The following FANCE variants were observed in gnomAD, a reference collection of about 807,000 sequenced individuals.
The protein encoded by FANCE is Fanconi anemia group E protein.
FANCE carries 42 observed loss-of-function variants against 57.8 expected under a neutral mutation model. The ratio of observed to expected loss-of-function variants is 0.73; its 90% CI spans 0.57 to 0.94. The LOEUF (loss-of-function observed/expected upper bound fraction) is 0.94, where lower values mean the gene tolerates loss of function less well. Ranked by LOEUF, FANCE falls within the 40% of genes least tolerant of loss-of-function variation. FANCE has a pLI of 0.00. For missense variants in FANCE, 608 were observed against 661.8 expected (o/e 0.92, Z 0.89); for synonymous variants, 251 against 286.4 (o/e 0.88, Z 1.25).
intron 2 of FANCE, among the ~76,000 whole-genome samples, 160 bp from the exon 3 acceptor site, chr6:35,457,395 GC>G (rs1309878573): frequency 6.6e-6 from 1 of 152,144 alleles, no homozygotes; most frequent in Non-Finnish European, 1.5e-5. Context: ...CTCCCAAAGT[GC>G]TGGTGTGAGC....
At chr6:35,465,545 C>T (rs971820322) in intron 9 of FANCE, among the ~76,000 whole-genome samples, 4 of 152,148 alleles carry the variant, frequency 2.6e-5, no homozygotes, top group Admixed American at 6.5e-5. Context: ...ACCCTTATGT[C>T]GGGGGTGTTA....
chr6:35,463,401 T>G (rs1767670237), intron 9 of FANCE, among the ~76,000 whole-genome samples: 2 of 152,222 alleles, frequency 1.3e-5, no homozygotes. Context: ...AGTTCATTCA[T>G]CCAGCCAACA....
At chr6:35,460,983 A>G (rs1245599633) in intron 8 of FANCE, among the ~76,000 whole-genome samples, 3 of 152,088 alleles carry the variant, frequency 2.0e-5, no homozygotes, top group African/African-American at 4.8e-5. Flanking sequence ...CAGTGGCACA[A>G]TCTTGGCTCA....
intron 9 of FANCE, among the ~76,000 whole-genome samples, chr6:35,463,195 A>C (rs1767660454): frequency 6.6e-6 from 1 of 152,166 alleles, no homozygotes; most frequent in African/African-American, 2.4e-5. Flanking sequence ...GTTACAAGGG[A>C]GGCTGAGGCA....
intron 1 of FANCE, among the ~76,000 whole-genome samples, chr6:35,455,541 C>A (rs908100513): frequency 6.6e-6 from 1 of 152,076 alleles, no homozygotes; most frequent in African/African-American, 2.4e-5. Context: ...GAACTCTTAA[C>A]CTTGAGTGAT....
In FANCE at chr6:35,462,759, G is replaced by T; in HGVS notation, c.1384-30G>T. The T allele has an allele frequency of 1.9e-6, 3 of 1,613,830 alleles. No individual in the cohort carries two copies. In the South Asian group the frequency reaches 3.3e-5, roughly 18 times the overall value. On this transcript the variant is annotated intron_variant, in intron 8 of 9. Coordinates refer to ENST00000229769, the MANE Select transcript of FANCE (RefSeq NM_021922.3). ...AATGAAGAGCCCAAGCCTTTCTTGT[G>T]ATTACTGCTCCATCTCCCAATGTGT... is the stretch of plus-strand genomic sequence containing the variant.
chr6:35,461,892 C>CG (rs1050082247), intron 8 of FANCE, among the ~76,000 whole-genome samples: 2 of 151,882 alleles, frequency 1.3e-5, no homozygotes, highest in Non-Finnish European at 2.9e-5. Flanking sequence ...CGTGATCCAC[C>CG]GGCCTCGGCC....
intron 7 of FANCE, among the ~76,000 whole-genome samples, 167 bp downstream of exon 7, chr6:35,459,927 G>A (rs1366068874): frequency 6.6e-6 from 1 of 152,074 alleles, no homozygotes; most frequent in Non-Finnish European, 1.5e-5. Context: ...TTTGCCTTTT[G>A]TTCTCACGAT....
Position 35,459,454 on chromosome 6 carries a change from G to T in FANCE, c.1237G>T (p.Gly413Cys). The change falls in exon 6 of 10, where the codon GGT becomes TGT. Residue 413 changes from glycine (G) to cysteine (C), a missense_variant and splice_region_variant. Coordinates refer to ENST00000229769, the MANE Select transcript of FANCE (RefSeq NM_021922.3). ...CCCTGTGCTCCAGGCCCCAGGCACA[G>T]GTAATTCTGGAACCAGCCCCAGGCC... ...LDPVLQAPGT[G>C]PAQTELLCCL... The T allele has an allele frequency of 6.2e-7, 1 of 1,613,968 alleles. No individual in the cohort carries two copies. Among genetic ancestry groups the T allele is most frequent in the Non-Finnish European group, 8.5e-7 (1 of 1,180,012 alleles).
chr6:35,452,598 C>T lies in FANCE; in HGVS notation c.53C>T (p.Pro18Leu), dbSNP rs991748781. ...LPGAEGVEPA[P>L]WAQLEAPARL... ...GGGGCTGAGGGCGTGGAGCCGGCGCCCTGGGCGCAGCTGGAGGCCCCCGCC... is the reference window on the plus strand; with the variant it reads ...GGGGCTGAGGGCGTGGAGCCGGCGCTCTGGGCGCAGCTGGAGGCCCCCGCC... Residue 18 changes from proline (P) to leucine (L), a missense_variant, in exon 1 of 10, where the codon CCC (proline) becomes CTC (leucine). Pro to Leu is a moderately conservative substitution (Grantham distance 98, BLOSUM62 -3). Transcript: ENST00000229769. The T allele has an allele frequency of 4.5e-5, 59 of 1,321,554 alleles. No homozygotes were observed. The African/African-American group carries it at 8.0e-4, about 18-fold the overall frequency. The allele number at this position is 1,321,554 out of a possible 1,614,324, so 81.9% of individuals were successfully genotyped here.
In FANCE at chr6:35,455,961, C is replaced by G. The variant is rs2150890589; in HGVS notation, c.463C>G (p.Pro155Ala). 6.2e-7 allele frequency: 1 copy of G among 1,613,832 alleles called. No homozygotes were observed. Among genetic ancestry groups the G allele is most frequent in the East Asian group, 2.2e-5 (1 of 44,846 alleles). The change falls in exon 2 of 10, where the codon CCA becomes GCA. Residue 155 changes from proline to alanine, a missense_variant. Coordinates refer to ENST00000229769, the MANE Select transcript of FANCE (RefSeq NM_021922.3). ...GGGGACCTCCATGGAGGGAGCTTCTCCACTGTCTGAAAGATGCCAGAGACA... is the reference window on the plus strand; with the variant it reads ...GGGGACCTCCATGGAGGGAGCTTCTGCACTGTCTGAAAGATGCCAGAGACA... ...GVGTSMEGAS[P>A]LSERCQRQLQ...
chr6:35,459,596 G>A, intron 6 of FANCE, 86 bp from the exon 7 acceptor site: 2 of 1,563,744 alleles, frequency 1.3e-6, no homozygotes, highest in Admixed American at 3.3e-5. Flanking sequence ...CCTGTAACAG[G>A]CTGGGCATTC....
In FANCE at chr6:35,466,890, C is replaced by T; in HGVS notation, c.*545C>T. The T allele has an allele frequency of 4.2e-6, 1 of 237,032 alleles. No individual in the cohort carries two copies. Among genetic ancestry groups the T allele is most frequent in the South Asian group, 1.2e-4 (1 of 8,028 alleles). The allele number at this position is 237,032 out of a possible 1,614,324, so 14.7% of individuals were successfully genotyped here. ...CCAAAGGCTGCTGGCCCCAGGCACA[C>T]TCCTCATCAATTCTCAGGCTGCAGG... is the stretch of plus-strand genomic sequence containing the variant. On this transcript the variant is annotated 3_prime_UTR_variant, in exon 10 of 10. Transcript: ENST00000229769.
At position 35,456,414 on chromosome 6, in the gene FANCE, G is replaced by A; in HGVS notation, c.855+61G>A. ...TTCAGCAGTGGTGGCTTTATCCATG[G>A]GGAAGGCTGCTTGGGACACTTTTTC... is the stretch of plus-strand genomic sequence containing the variant. On this transcript the variant is annotated intron_variant, in intron 2 of 9. Coordinates refer to ENST00000229769, the MANE Select transcript of FANCE (RefSeq NM_021922.3). The surrounding 1 kb of genome is among the most constrained non-coding windows in gnomAD (Gnocchi z 4.3). 6.2e-7 allele frequency: 1 copy of A among 1,608,634 alleles called. No individual in the cohort carries two copies. Among genetic ancestry groups the A allele is most frequent in the East Asian group, 2.2e-5 (1 of 44,852 alleles).
rs2150890589 is a variant in FANCE at position 35,455,961 on chromosome 6, C to T, written c.463C>T (p.Pro155Ser). 1.9e-6 allele frequency: 3 copies of T among 1,613,832 alleles called. No individual in the cohort carries two copies. Among genetic ancestry groups the T allele is most frequent in the Non-Finnish European group, 2.5e-6 (3 of 1,179,924 alleles). Residue 155 changes from proline (P) to serine (S), a missense_variant, in exon 2 of 10, where the codon CCA becomes TCA. Coordinates refer to ENST00000229769, the MANE Select transcript of FANCE (RefSeq NM_021922.3). ...GGGGACCTCCATGGAGGGAGCTTCT[C>T]CACTGTCTGAAAGATGCCAGAGACA... ...GVGTSMEGAS[P>S]LSERCQRQLQ...
In FANCE at chr6:35,456,463, TGGAGGAAGAA is replaced by T; in HGVS notation, c.855+119_855+128del. On this transcript the variant is annotated intron_variant, in intron 2 of 9. Transcript: ENST00000229769. The surrounding 1 kb of genome is among the most constrained non-coding windows in gnomAD (Gnocchi z 4.3). ...TCCCAATGGAGTTGACTGTAGTTCC[TGGAGGAAGAA>T]GGAGGAAGGTAGGGTTGAGGGAATG... 7.0e-7 allele frequency: 1 copy of T among 1,428,336 alleles called. No homozygotes were observed. The highest frequency in any genetic ancestry group is 9.9e-7 in the Non-Finnish European group (1 of 1,014,800). 88.5% of individuals were successfully genotyped at this position (1,428,336 alleles called of 1,614,324 possible).
chr6:35,452,738 G>A lies in FANCE; in HGVS notation c.193G>A (p.Glu65Lys). The A allele has an allele frequency of 7.9e-7, 1 of 1,260,766 alleles. No homozygotes were observed. The allele number at this position is 1,260,766 out of a possible 1,614,324, so 78.1% of individuals were successfully genotyped here. A position where few individuals can be genotyped will look rare whatever the true frequency, so the allele number is the denominator to read the frequency against. The stretch of plus-strand genomic sequence containing the variant: ...GCCCTTCGACTGGGGTCGCTTGCTC[G>A]AGGCCCTGTGCCGGGAGGAGCCGGT... Reference protein sequence around the residue: ...WEPFDWGRLLEALCREEPVVQ... With the variant: ...WEPFDWGRLLKALCREEPVVQ... Residue 65 changes from glutamate to lysine, a missense_variant, in exon 1 of 10, where the codon GAG (glutamate) becomes AAG (lysine). Coordinates refer to ENST00000229769, the MANE Select transcript of FANCE (RefSeq NM_021922.3).
chr6:35,464,342 A>G (rs1457111311), intron 9 of FANCE, among the ~76,000 whole-genome samples: 2 of 140,462 alleles, frequency 1.4e-5, no homozygotes, highest in Non-Finnish European at 3.0e-5. Flanking sequence ...GGTTCACGCC[A>G]TTCTCCTGCC....
intron 2 of FANCE, among the ~76,000 whole-genome samples, chr6:35,457,191 A>G (rs1767380735): frequency 1.3e-5 from 2 of 152,092 alleles, no homozygotes; most frequent in African/African-American, 4.8e-5. Context: ...AAGGGGCATG[A>G]ATATAACTCA....
Sources: gnomAD v4.1 joint callset for allele counts (sites outside exome capture counted in the v4.1 genomes callset) on GRCh38, gnomAD v4.1.1 for gene constraint, Gnocchi (gnomAD v3.1) non-coding constraint, MANE v1.5 for transcripts, NCBI Gene and HGNC (gene_info 2026-07-23, HGNC 2026-07-21) for gene names.